The following ADORA2B variants were observed in gnomAD, a reference collection of about 807,000 sequenced individuals.
ADORA2B encodes the protein adenosine receptor A2b.
In ADORA2B, 18 loss-of-function variants were observed where a neutral mutation model predicts 20.8. That is an observed-to-expected ratio of 0.87 (90% CI 0.60 to 1.29). The LOEUF is 1.29. ADORA2B is among the 50% of genes most tolerant of loss of function. The pLI is 0.00. For missense variants in ADORA2B, 441 were observed against 422.7 expected, an observed-to-expected ratio of 1.04 and a Z score of -0.38; for synonymous variants, 179 against 178.3, an observed-to-expected ratio of 1.00 and a Z score of -0.03.
At chr17:15,876,108 CT>C in the ADORA2B span, among the ~76,000 whole-genome samples, 1 of 151,518 alleles carries the variant, frequency 6.6e-6, no homozygotes, top group African/African-American at 2.4e-5. Flanking sequence ...TATTCTTTTT[CT>C]TTTTTTTTCC....
the ADORA2B span, among the ~76,000 whole-genome samples, chr17:15,923,405 ATAT>A: frequency 0.14 from 16,689 of 119,782 alleles, 1,194 homozygotes; most frequent in Non-Finnish European, 0.17. Flanking sequence ...ATATATATAT[ATAT>A]TTTTTTTTTC....
At chr17:15,956,864 T>C (rs528323883) in intron 1 of ADORA2B, among the ~76,000 whole-genome samples, 8 of 152,292 alleles carry the variant, frequency 5.3e-5, no homozygotes, top group Admixed American at 2.0e-4. Flanking sequence ...CCTCCCAAAG[T>C]ACTGGGATTA....
chr17:15,884,117 C>T, the ADORA2B span, among the ~76,000 whole-genome samples: 11 of 152,208 alleles, frequency 7.2e-5, no homozygotes, highest in Admixed American at 4.6e-4. Context: ...CATCCAGTCC[C>T]TTGGCCTCCA....
At chr17:15,965,512 G>A (rs538369472) in intron 1 of ADORA2B, among the ~76,000 whole-genome samples, 1 of 152,330 alleles carries the variant, frequency 6.6e-6, no homozygotes, top group African/African-American at 2.4e-5. Context: ...CTGCTTCCAT[G>A]TGAACTTCTG....
chr17:15,903,720 A>AT, the ADORA2B span, among the ~76,000 whole-genome samples: 3 of 152,190 alleles, frequency 2.0e-5, no homozygotes, highest in Non-Finnish European at 2.9e-5. Context: ...AAATGATTTG[A>AT]TTTTTTGGTG....
chr17:15,964,942 C>T (rs1020468140), intron 1 of ADORA2B, among the ~76,000 whole-genome samples: 5 of 152,014 alleles, frequency 3.3e-5, no homozygotes, highest in Non-Finnish European at 5.9e-5. Context: ...TGCCTGTAGT[C>T]CCAGCTACTC....
rs999596570 is a variant in ADORA2B, at chr17:15,954,867, G to C, written c.335+9284G>C. On this transcript the variant is annotated intron_variant, in intron 1 of 1. Transcript: ENST00000304222. ...TCTGAAGGGGTTGCTGTAACACCCA[G>C]TGTTGCTCACAAAGTCTGGTGTGTA... Among the ~76,000 whole-genome samples, 3 of 152,256 alleles carry C rather than the reference G, an allele frequency of 2.0e-5. No homozygotes were observed. The South Asian group carries it at 6.2e-4, about 31-fold the overall frequency.
intron 1 of ADORA2B, among the ~76,000 whole-genome samples, chr17:15,969,757 G>A (rs370171333): frequency 6.6e-6 from 1 of 152,190 alleles, no homozygotes; most frequent in African/African-American, 2.4e-5. Flanking sequence ...GTCAACTACC[G>A]AAATAGTTTC....
At chr17:15,908,629 G>A in the ADORA2B span, 1,017 of 183,008 alleles carry the variant, frequency 5.6e-3, 14 homozygotes, top group African/African-American at 0.022. Flanking sequence ...ACTTTCGGAC[G>A]TAACCCATGA....
the ADORA2B span, among the ~76,000 whole-genome samples, chr17:15,857,369 G>T: frequency 6.6e-6 from 1 of 152,198 alleles, no homozygotes; most frequent in Non-Finnish European, 1.5e-5. Flanking sequence ...TGTGAGGTTG[G>T]TGCCCCCACA....
At chr17:15,963,056 C>G (rs73276033) in intron 1 of ADORA2B, among the ~76,000 whole-genome samples, 15,150 of 152,034 alleles carry the variant, frequency 0.1, 2,519 homozygotes, top group African/African-American at 0.35. Flanking sequence ...CTCAGTGCTA[C>G]TGGAGTATCC....
chr17:15,971,243 TTATGC>T (rs1203434028), intron 1 of ADORA2B, among the ~76,000 whole-genome samples: 3 of 152,224 alleles, frequency 2.0e-5, no homozygotes, highest in Non-Finnish European at 4.4e-5. Flanking sequence ...GGCTTCCTTG[TTATGC>T]TGCAGGGACT....
intron 1 of ADORA2B, among the ~76,000 whole-genome samples, chr17:15,960,282 C>T (rs1425571239): frequency 2.5e-5 from 3 of 121,416 alleles, no homozygotes; most frequent in Admixed American, 9.0e-5. Context: ...GGGCCGGGCG[C>T]GGTGGCTCAC....
At chr17:15,897,914 A>G in the ADORA2B span, among the ~76,000 whole-genome samples, 1 of 152,158 alleles carries the variant, frequency 6.6e-6, no homozygotes, top group Non-Finnish European at 1.5e-5. Flanking sequence ...TTCTAGAAAA[A>G]TATATATTTC....
the ADORA2B span, among the ~76,000 whole-genome samples, chr17:15,871,481 G>A: frequency 6.6e-6 from 1 of 152,208 alleles, no homozygotes; most frequent in Non-Finnish European, 1.5e-5. Context: ...CTGCTTGCAA[G>A]GCTGGCCCTT....
At chr17:15,895,903 C>A in the ADORA2B span, among the ~76,000 whole-genome samples, 1 of 152,128 alleles carries the variant, frequency 6.6e-6, no homozygotes, top group East Asian at 1.9e-4. Flanking sequence ...GTGTTAGTAC[C>A]AAGACCCCTG....
chr17:15,951,851 G>A (rs914683505), intron 1 of ADORA2B, among the ~76,000 whole-genome samples: 5 of 152,202 alleles, frequency 3.3e-5, no homozygotes, highest in African/African-American at 1.2e-4. Flanking sequence ...AAGGAGGCCG[G>A]GAAGGAGGGC....
chr17:15,876,382 A>T, the ADORA2B span, among the ~76,000 whole-genome samples: 3 of 147,214 alleles, frequency 2.0e-5, no homozygotes, highest in Non-Finnish European at 3.0e-5. Context: ...CTAAACTTCC[A>T]GTGTGGTTTG....
chr17:15,940,056 C>T, the ADORA2B span, among the ~76,000 whole-genome samples: 2 of 152,110 alleles, frequency 1.3e-5, no homozygotes. Context: ...CTGCCTGGCA[C>T]CCACTTTACT....
Sources: gnomAD v4.1 joint callset for allele counts (sites outside exome capture counted in the v4.1 genomes callset) on GRCh38, gnomAD v4.1.1 for gene constraint, MANE v1.5 for transcripts, NCBI Gene and HGNC (gene_info 2026-07-23, HGNC 2026-07-21) for gene names.